Variants in C7orf78 observed in about 807,000 individuals in gnomAD.
The protein encoded by C7orf78 is putative uncharacterized protein C7orf78.
At chr7:12,540,499 AT>A in the C7orf78 span, among the ~76,000 whole-genome samples, 6,301 of 152,282 alleles carry the variant, frequency 0.041, 476 homozygotes, top group African/African-American at 0.14. Flanking sequence ...TTAGTCAGGT[AT>A]TATAATTATT....
the C7orf78 span, among the ~76,000 whole-genome samples, chr7:12,525,176 G>A: frequency 3.3e-5 from 5 of 151,852 alleles, no homozygotes; most frequent in African/African-American, 1.2e-4. Context: ...TTTCTGCTTG[G>A]TACCCTCACT....
At chr7:12,506,806 G>C in the C7orf78 span, 71,596 of 384,912 alleles carry the variant, frequency 0.19, 7,472 homozygotes, top group South Asian at 0.25. Context: ...AAGGGACAGA[G>C]ATGACTACTG....
the C7orf78 span, among the ~76,000 whole-genome samples, chr7:12,536,624 T>G: frequency 3.9e-5 from 6 of 152,214 alleles, no homozygotes; most frequent in African/African-American, 1.4e-4. Flanking sequence ...ACGCTTTTTT[T>G]CTTTTCTATC....
chr7:12,518,742 G>A, the C7orf78 span, among the ~76,000 whole-genome samples: 1 of 152,144 alleles, frequency 6.6e-6, no homozygotes, highest in Non-Finnish European at 1.5e-5. Flanking sequence ...GTGTGCAGGG[G>A]GATAGGCTGT....
chr7:12,493,531 A>G, the C7orf78 span, among the ~76,000 whole-genome samples: 2 of 152,156 alleles, frequency 1.3e-5, no homozygotes, highest in Admixed American at 1.3e-4. Flanking sequence ...CCTAAGGATT[A>G]CCATTTCTTA....
the C7orf78 span, among the ~76,000 whole-genome samples, chr7:12,488,794 C>A: frequency 6.6e-6 from 1 of 151,960 alleles, no homozygotes; most frequent in Non-Finnish European, 1.5e-5. Context: ...ACCATATATG[C>A]ATTCTGAGGT....
At chr7:12,513,924 C>T in the C7orf78 span, among the ~76,000 whole-genome samples, 33 of 152,180 alleles carry the variant, frequency 2.2e-4, no homozygotes, top group African/African-American at 7.5e-4. Flanking sequence ...GGTGTAAACC[C>T]AGGAGGCGGA....
chr7:12,508,426 T>C, the C7orf78 span, among the ~76,000 whole-genome samples: 1 of 152,188 alleles, frequency 6.6e-6, no homozygotes, highest in Non-Finnish European at 1.5e-5. Context: ...GATGCTTATG[T>C]GGTAAATATG....
the C7orf78 span, among the ~76,000 whole-genome samples, chr7:12,493,601 T>A: frequency 6.6e-6 from 1 of 152,212 alleles, no homozygotes; most frequent in Non-Finnish European, 1.5e-5. Flanking sequence ...ACCGATTTAG[T>A]CACTGTACTA....
chr7:12,498,263 G>A, the C7orf78 span, among the ~76,000 whole-genome samples: 1 of 152,066 alleles, frequency 6.6e-6, no homozygotes, highest in East Asian at 1.9e-4. Flanking sequence ...AGAGAAGAAG[G>A]CTTCGGACGA....
chr7:12,488,695 A>ACTTTATCCT, the C7orf78 span, among the ~76,000 whole-genome samples: 8 of 152,196 alleles, frequency 5.3e-5, no homozygotes, highest in East Asian at 1.5e-3. Flanking sequence ...AAGCCCTTGG[A>ACTTTATCCT]CATTCAATGA....
chr7:12,526,492 A>G, the C7orf78 span, among the ~76,000 whole-genome samples: 7 of 152,134 alleles, frequency 4.6e-5, no homozygotes, highest in African/African-American at 1.2e-4. Context: ...TATTATAATT[A>G]TATATAAATT....
At chr7:12,528,862 G>A in the C7orf78 span, 8 of 397,972 alleles carry the variant, frequency 2.0e-5, no homozygotes, top group African/African-American at 6.2e-5. Flanking sequence ...ACAAAGACAC[G>A]TGCCATTGCT....
chr7:12,508,324 GA>G, the C7orf78 span, among the ~76,000 whole-genome samples: 1 of 151,994 alleles, frequency 6.6e-6, no homozygotes, highest in African/African-American at 2.4e-5. Flanking sequence ...TTATTTTTGA[GA>G]AATGGCTCAA....
At chr7:12,535,891 C>G in the C7orf78 span, among the ~76,000 whole-genome samples, 1 of 152,236 alleles carries the variant, frequency 6.6e-6, no homozygotes, top group Non-Finnish European at 1.5e-5. Flanking sequence ...ACATCCAGGT[C>G]ATGCTGACAC....
chr7:12,484,510 A>G, the C7orf78 span, among the ~76,000 whole-genome samples: 52 of 152,306 alleles, frequency 3.4e-4, no homozygotes, highest in African/African-American at 1.2e-3. Flanking sequence ...TGTAGTCATT[A>G]TTTTAGTAGA....
the C7orf78 span, among the ~76,000 whole-genome samples, chr7:12,502,007 G>T: frequency 4.1e-5 from 1 of 24,296 alleles, no homozygotes. Context: ...AATAAATGGT[G>T]CTGGGAAAAC....
the C7orf78 span, among the ~76,000 whole-genome samples, chr7:12,513,955 A>G: frequency 1.1e-4 from 17 of 152,224 alleles, no homozygotes; most frequent in East Asian, 1.7e-3. Flanking sequence ...AGCTGAGATC[A>G]CGCCACTGCA....
At chr7:12,489,868 G>C in the C7orf78 span, among the ~76,000 whole-genome samples, 1 of 152,208 alleles carries the variant, frequency 6.6e-6, no homozygotes, top group African/African-American at 2.4e-5. Flanking sequence ...AAAGTGACAG[G>C]TGGCATCGAC....
Sources: allele counts gnomAD v4.1 joint callset (sites outside exome capture counted in the v4.1 genomes callset), GRCh38; gene constraint gnomAD v4.1.1; transcripts MANE v1.5; gene names NCBI Gene and HGNC (gene_info 2026-07-23, HGNC 2026-07-21).